The following VDAC1 variants were observed in gnomAD, a reference collection of about 807,000 sequenced individuals.
The protein encoded by VDAC1 is voltage dependent anion channel 1.
Under a neutral mutation model 34.7 loss-of-function variants are expected in VDAC1, and 10 were observed. The ratio of observed to expected loss-of-function variants is 0.29; its 90% CI spans 0.18 to 0.49. VDAC1 has a LOEUF of 0.49. VDAC1 is among the 20% of genes least tolerant of loss of function. The probability of loss-of-function intolerance (pLI) is 0.99; values close to 1 mark genes in which losing one functional copy is unlikely to be tolerated. For missense variants in VDAC1, 230 were observed against 347.9 expected (o/e 0.66, Z 2.69); for synonymous variants, 130 against 136.0 (o/e 0.96, Z 0.30).
chr5:133,975,850 C>G (rs779642682), intron 7 of VDAC1, 21 bp downstream of exon 7: 2 of 1,607,370 alleles, frequency 1.2e-6, no homozygotes, highest in South Asian at 2.2e-5. Flanking sequence ...CTGTGAGATG[C>G]GTGATTCCAC....
the VDAC1 span, among the ~76,000 whole-genome samples, chr5:134,054,458 C>CT: frequency 0.47 from 58,357 of 123,246 alleles, 13,996 homozygotes; most frequent in Non-Finnish European, 0.56. Context: ...TCCTTCCTTC[C>CT]TTTTTTTTTT....
At chr5:133,999,721 C>G (rs1283834249) in intron 1 of VDAC1, among the ~76,000 whole-genome samples, 2 of 152,142 alleles carry the variant, frequency 1.3e-5, no homozygotes, top group Non-Finnish European at 2.9e-5. Flanking sequence ...GACCTGACAC[C>G]CCATCCACAG....
At chr5:134,106,096 C>T in the VDAC1 span, among the ~76,000 whole-genome samples, 1 of 152,198 alleles carries the variant, frequency 6.6e-6, no homozygotes, top group Admixed American at 6.5e-5. Flanking sequence ...GGTGGAGAGC[C>T]CCGGTCCTGG....
At chr5:134,065,027 C>T in the VDAC1 span, among the ~76,000 whole-genome samples, 3 of 152,082 alleles carry the variant, frequency 2.0e-5, no homozygotes. Context: ...GCCTTAGTTT[C>T]CTTTTTTATT....
the VDAC1 span, among the ~76,000 whole-genome samples, chr5:134,078,230 G>A: frequency 2.6e-5 from 4 of 152,196 alleles, no homozygotes; most frequent in African/African-American, 9.6e-5. Context: ...ATGCCCGTGG[G>A]AGGTGCATGC....
intron 1 of VDAC1, among the ~76,000 whole-genome samples, chr5:134,001,952 C>G (rs1055812791): frequency 6.6e-6 from 1 of 152,104 alleles, no homozygotes; most frequent in African/African-American, 2.4e-5. Flanking sequence ...CACTGGTCAA[C>G]TTTTCTCAGT....
chr5:134,094,653 C>T, the VDAC1 span, among the ~76,000 whole-genome samples: 2 of 148,022 alleles, frequency 1.4e-5, no homozygotes, highest in South Asian at 2.1e-4. Flanking sequence ...GCTGAGGTCG[C>T]GCCACTGCGC....
Position 134,002,289 on chromosome 5 carries a change from C to T in VDAC1, c.-7+2606G>A, listed in dbSNP as rs140380025. Among the ~76,000 whole-genome samples the T allele has an allele frequency of 7.5e-3, 1,136 of 152,292 alleles. 6 individuals are homozygous for T. The highest frequency in any genetic ancestry group is 0.012 in the Non-Finnish European group (807 of 68,026). ...GTATGGTCCCCCACTTTCTGAGCTA[C>T]GAATAACCCCTGCCTATAGCCCCAC... On this transcript the variant is annotated intron_variant, in intron 1 of 8. Transcript: ENST00000265333.
chr5:133,988,424 T>C (rs981624484), intron 5 of VDAC1, among the ~76,000 whole-genome samples: 1 of 151,758 alleles, frequency 6.6e-6, no homozygotes, highest in Non-Finnish European at 1.5e-5. Context: ...CTGTCTCTAT[T>C]AAAAATACAA....
chr5:134,009,976 C>G, the VDAC1 span, among the ~76,000 whole-genome samples: 2 of 152,312 alleles, frequency 1.3e-5, no homozygotes, highest in Admixed American at 1.3e-4. Flanking sequence ...CCACCAGGCC[C>G]AGCCTCCAAA....
At chr5:134,091,648 G>T in the VDAC1 span, among the ~76,000 whole-genome samples, 1 of 152,034 alleles carries the variant, frequency 6.6e-6, no homozygotes, top group Non-Finnish European at 1.5e-5. Context: ...TGCCCTGCTG[G>T]AAACACAGGT....
the VDAC1 span, among the ~76,000 whole-genome samples, chr5:134,029,742 T>A: frequency 1.3e-5 from 2 of 152,338 alleles, no homozygotes; most frequent in Non-Finnish European, 2.9e-5. Flanking sequence ...GATTAGTGGT[T>A]ACCAAGGGTT....
the VDAC1 span, among the ~76,000 whole-genome samples, chr5:134,070,516 A>C: frequency 3.3e-5 from 5 of 152,180 alleles, no homozygotes; most frequent in Admixed American, 2.0e-4. Context: ...TAAACATTTC[A>C]GAAACGCCTA....
At chr5:134,055,592 T>TTGTTTTTTTTTTTGTTTTTG in the VDAC1 span, among the ~76,000 whole-genome samples, 9 of 35,232 alleles carry the variant, frequency 2.6e-4, no homozygotes, top group African/African-American at 7.7e-4. Flanking sequence ...GCTAATGTTT[T>TTGTTTTTTTTTTTGTTTTTG]TTTTTTTTTT....
chr5:134,075,843 C>T, the VDAC1 span, among the ~76,000 whole-genome samples: 5 of 152,330 alleles, frequency 3.3e-5, no homozygotes, highest in Admixed American at 2.0e-4. Flanking sequence ...CCTCAGCCTC[C>T]CAAAGTGCTG....
Position 133,972,623 on chromosome 5 carries a change from A to G in VDAC1, c.*148T>C. 3 of 676,492 alleles carry G rather than the reference A, an allele frequency of 4.4e-6. No homozygotes were observed. The highest frequency in any genetic ancestry group is 7.4e-6 in the Non-Finnish European group (3 of 407,294). 41.9% of individuals were successfully genotyped at this position (676,492 alleles called of 1,614,324 possible). On this transcript the variant is annotated 3_prime_UTR_variant, in exon 9 of 9. Coordinates refer to ENST00000265333, the MANE Select transcript of VDAC1 (RefSeq NM_003374.3). ...TCTTCTGTACCTCTGGAAGGGTAAC[A>G]TCTTAAAGCTGAATCAACTTTAACC...
At chr5:134,017,418 C>T in the VDAC1 span, among the ~76,000 whole-genome samples, 4 of 151,762 alleles carry the variant, frequency 2.6e-5, no homozygotes, top group African/African-American at 9.7e-5. Context: ...ATCACACCAT[C>T]GCACTCCAGC....
chr5:134,005,462 CA>C (rs1753728466), upstream of VDAC1: 1 of 152,266 alleles, frequency 6.6e-6, no homozygotes, highest in African/African-American at 2.4e-5. Flanking sequence ...GCCGATTTTG[CA>C]CTACAGATTA....
chr5:134,019,290 A>C, the VDAC1 span, among the ~76,000 whole-genome samples: 1 of 152,146 alleles, frequency 6.6e-6, no homozygotes, highest in Non-Finnish European at 1.5e-5. Context: ...CAAAAACCAC[A>C]ACTTTGGCCA....
Sources: gnomAD v4.1 joint callset for allele counts (sites outside exome capture counted in the v4.1 genomes callset) on GRCh38, gnomAD v4.1.1 for gene constraint, MANE v1.5 for transcripts, NCBI Gene and HGNC (gene_info 2026-07-23, HGNC 2026-07-21) for gene names.